TSPAN6: variants seen among roughly 807,000 people sequenced by gnomAD.
TSPAN6 encodes tetraspanin 6.
Under a neutral mutation model 18.0 loss-of-function variants are expected in TSPAN6, and 13 were observed. That is an observed-to-expected ratio of 0.72 (90% confidence interval 0.47 to 1.15). TSPAN6 has a LOEUF of 1.15. Ranked by LOEUF, TSPAN6 falls within the 50% of genes most tolerant of loss-of-function variation. The probability of loss-of-function intolerance (pLI) is 0.00; values close to 1 mark genes in which losing one functional copy is unlikely to be tolerated. For missense variants in TSPAN6, 186 were observed against 183.9 expected, an observed-to-expected ratio of 1.01 and a Z score of -0.07; for synonymous variants, 82 against 67.0, an observed-to-expected ratio of 1.22 and a Z score of -1.09.
At chrX:100,632,919 C>G (rs942427684) in intron 5 of TSPAN6, among the ~76,000 whole-genome samples, 6 of 83,748 alleles carry the variant, frequency 7.2e-5, no homozygotes, top group Non-Finnish European at 1.1e-4. Flanking sequence ...GAGAGAGACA[C>G]TGTCTTTAAA....
At chrX:100,635,816 T>A (rs1028441676) in intron 1 of TSPAN6, 70 bp from the exon 2 acceptor site, 1 of 886,203 alleles carries the variant, frequency 1.1e-6, no homozygotes, top group Admixed American at 3.6e-5. Context: ...TCACAACGCA[T>A]GAGGTATTTA....
intron 3 of TSPAN6, among the ~76,000 whole-genome samples, chrX:100,634,899 C>A: frequency 8.9e-6 from 1 of 112,425 alleles, no homozygotes; most frequent in Non-Finnish European, 1.9e-5. Context: ...ATTTTCCTAT[C>A]AGCAAAGTTA....
In TSPAN6 at chrX:100,635,231, CGA is replaced by C. The variant is rs1389545186; in HGVS notation, c.296_297del (p.Leu99ArgfsTer18). 5 of 1,195,128 alleles carry C rather than the reference CGA, an allele frequency of 4.2e-6. No individual in the cohort carries two copies. The highest frequency in any genetic ancestry group is 5.6e-6 in the Non-Finnish European group (5 of 886,327). ...GCAGCGACCAGTTCGACCAAAAAAA[CGA>C]GAGTCAGAAACATTGCATACTGCAG... ...MLKLYAMFLTLVFLVELVAAI... is the reference protein window; with the variant it reads ...MLKLYAMFLTXVFLVELVAAI... On this transcript the variant is annotated frameshift_variant, in exon 3 of 8. Coordinates refer to ENST00000373020, the MANE Select transcript of TSPAN6 (RefSeq NM_003270.4). LOFTEE classifies it high-confidence loss of function.
chrX:100,636,709 C>T lies in TSPAN6; in HGVS notation c.-15G>A. 1.7e-6 allele frequency: 2 copies of T among 1,189,918 alleles called. No individual in the cohort carries two copies. Among genetic ancestry groups the T allele is most frequent in the South Asian group, 1.9e-5 (1 of 52,237 alleles). On this transcript the variant is annotated 5_prime_UTR_variant, in exon 1 of 8. Coordinates refer to ENST00000373020, the MANE Select transcript of TSPAN6 (RefSeq NM_003270.4). ...GGGGACGCCATGACTAGCCCGAGACCCTGCACCACCGCACCGGGCGATTGG... is the reference window on the plus strand; with the variant it reads ...GGGGACGCCATGACTAGCCCGAGACTCTGCACCACCGCACCGGGCGATTGG...
intron 7 of TSPAN6, among the ~76,000 whole-genome samples, chrX:100,630,469 A>G (rs1255663091): frequency 8.9e-6 from 1 of 111,813 alleles, no homozygotes; most frequent in Non-Finnish European, 1.9e-5. Flanking sequence ...AAAAGGGACC[A>G]CTTATGATCT....
rs2083030671 is a variant in TSPAN6 at position 100,627,268 on chromosome X, G to A, written c.*2758C>T. On this transcript the variant is annotated 3_prime_UTR_variant, in exon 8 of 8. Coordinates refer to ENST00000373020, the MANE Select transcript of TSPAN6 (RefSeq NM_003270.4). ...AATGTCACCTTGCAGTGAGCAACCT[G>A]GTGCCTGGAAATAAGGCAACCCACA... 1.8e-5 allele frequency: 2 copies of A among 111,854 alleles called. No individual in the cohort carries two copies. Among genetic ancestry groups the A allele is most frequent in the South Asian group, 7.6e-4 (2 of 2,643 alleles). 9.2% of individuals were successfully genotyped at this position (111,854 alleles called of 1,213,427 possible). A position where few individuals can be genotyped will look rare whatever the true frequency, so the allele number is the denominator to read the frequency against.
chrX:100,632,178 G>A (rs2083063951), intron 6 of TSPAN6: 2 of 231,871 alleles, frequency 8.6e-6, no homozygotes, highest in Non-Finnish European at 1.5e-5. Context: ...GCCGAGGAGG[G>A]CGGATCACTT....
chrX:100,629,603 A>T lies in TSPAN6; in HGVS notation c.*423T>A, dbSNP rs1369244659. 8.9e-6 allele frequency: 1 copy of T among 112,429 alleles called. No individual in the cohort carries two copies. The highest frequency in any genetic ancestry group is 1.9e-5 in the Non-Finnish European group (1 of 53,240). 9.3% of individuals were successfully genotyped at this position (112,429 alleles called of 1,213,427 possible). On this transcript the variant is annotated 3_prime_UTR_variant, in exon 8 of 8. Transcript: ENST00000373020. ...GCAAAGTCAGAGGAATCAATTTTCCATCTTGTAACACTACATCAAAATAGC... is the reference window on the plus strand; with the variant it reads ...GCAAAGTCAGAGGAATCAATTTTCCTTCTTGTAACACTACATCAAAATAGC...
chrX:100,636,208 C>A, intron 1 of TSPAN6: 2 of 796,868 alleles, frequency 2.5e-6, no homozygotes, highest in Non-Finnish European at 3.0e-6. Flanking sequence ...ACACTCCTCT[C>A]TTACGAAGCA....
chrX:100,634,008 T>C lies in TSPAN6; in HGVS notation c.373A>G (p.Asn125Asp). 1.7e-6 allele frequency: 2 copies of C among 1,192,714 alleles called. No homozygotes were observed. The highest frequency in any genetic ancestry group is 2.3e-6 in the Non-Finnish European group (2 of 880,404). The change falls in exon 4 of 8, where the codon AAT (asparagine) becomes GAT (aspartate). Residue 125 changes from asparagine to aspartate, a missense_variant. Transcript: ENST00000373020. ...TACTGCTTCAAAGCCTTCTCATAAT[T>C]ATTCTTAAAGCTGTTCTTAATCTAT... ...RHEIKNSFKNNYEKALKQYNS... is the reference protein window; with the variant it reads ...RHEIKNSFKNDYEKALKQYNS...
chrX:100,636,073 G>T, intron 1 of TSPAN6: 1 of 605,978 alleles, frequency 1.7e-6, no homozygotes, highest in Non-Finnish European at 2.1e-6. Context: ...GTGATTTTAT[G>T]AGTTCCAGAA....
rs775956142 is a variant in TSPAN6, at chrX:100,633,430, C to T, written c.560G>A (p.Arg187Lys). 2.0e-5 allele frequency: 24 copies of T among 1,207,311 alleles called. No homozygotes were observed. The highest frequency in any genetic ancestry group is 2.0e-4 in the Admixed American group (9 of 45,478). The change falls in exon 5 of 8, where the codon AGA (arginine) becomes AAA (lysine). Residue 187 changes from arginine (R) to lysine (K), a missense_variant. By Grantham distance (26) the Arg-to-Lys change is conservative. Transcript: ENST00000373020. The stretch of plus-strand genomic sequence containing the variant: ...TTCATTGTTTACTTTGTCTGCATCT[C>T]TCTGTGGAGTACAATCTTCAAGTTT... ...CCKLEDCTPQ[R>K]DADKVNNEGC...
Position 100,633,914 on chromosome X carries a change from T to A in TSPAN6, c.450+17A>T. On this transcript the variant is annotated intron_variant, in intron 4 of 7. Coordinates refer to ENST00000373020, the MANE Select transcript of TSPAN6 (RefSeq NM_003270.4). ...AACAGGGAATGTGTTCCCCTCTAGG[T>A]GGTGGTTACCACTTACCGTATTTTG... 1 of 1,114,749 alleles carries A rather than the reference T, an allele frequency of 9.0e-7. No homozygotes were observed. Among genetic ancestry groups the A allele is most frequent in the Non-Finnish European group, 1.2e-6 (1 of 810,836 alleles). 91.9% of individuals were successfully genotyped at this position (1,114,749 alleles called of 1,213,427 possible). A position where few individuals can be genotyped will look rare whatever the true frequency, so the allele number is the denominator to read the frequency against.
intron 1 of TSPAN6, chrX:100,636,051 G>GAAA: frequency 1.2e-5 from 6 of 497,586 alleles, no homozygotes; most frequent in African/African-American, 5.2e-5. Flanking sequence ...CCTTGAAGGG[G>GAAA]AAAAAAAAAA....
chrX:100,630,730 A>G lies in TSPAN6; in HGVS notation c.*39+29T>C, dbSNP rs1362113932. 2.8e-6 allele frequency: 3 copies of G among 1,071,608 alleles called. No individual in the cohort carries two copies. The African/African-American group carries it at 5.6e-5, about 20-fold the overall frequency. The allele number at this position is 1,071,608 out of a possible 1,213,427, so 88.3% of individuals were successfully genotyped here. On this transcript the variant is annotated intron_variant, in intron 7 of 7. Transcript: ENST00000373020. ...ACAGGCTAGAATAAATATCAACACT[A>G]ACAGAGCTGAGGACCAAAATGAACG... is the stretch of plus-strand genomic sequence containing the variant.
rs180730511 is a variant in TSPAN6, at chrX:100,633,671, C to G, written c.451-132G>C. On this transcript the variant is annotated intron_variant, in intron 4 of 7. Coordinates refer to ENST00000373020, the MANE Select transcript of TSPAN6 (RefSeq NM_003270.4). ...CAATGATCTCTCTCCTCAATTGATT[C>G]AAGAGATGAGCACTGGGTCCCTGAT... The G allele has an allele frequency of 4.6e-5, 33 of 716,189 alleles. No homozygotes were observed. In the South Asian group the frequency reaches 8.8e-4, roughly 19 times the overall value. 59.0% of individuals were successfully genotyped at this position (716,189 alleles called of 1,213,427 possible).
At chrX:100,632,123 C>T in intron 6 of TSPAN6, 1 of 157,213 alleles carries the variant, frequency 6.4e-6, no homozygotes, top group Non-Finnish European at 1.2e-5. Context: ...GTGAAAATCT[C>T]GCTGCATGCA....
Position 100,630,793 on chromosome X carries a change from T to C in TSPAN6, c.*5A>G. ...AGAGAGGAATAGGCCCACAGATACA[T>C]TGGGTTACACTATCTCATACTGGTT... On this transcript the variant is annotated 3_prime_UTR_variant, in exon 7 of 8. Coordinates refer to ENST00000373020, the MANE Select transcript of TSPAN6 (RefSeq NM_003270.4). 1.7e-6 allele frequency: 2 copies of C among 1,209,367 alleles called. No individual in the cohort carries two copies. Among genetic ancestry groups the C allele is most frequent in the Non-Finnish European group, 2.2e-6 (2 of 893,841 alleles).
At chrX:100,633,900 T>C in intron 4 of TSPAN6, 31 bp downstream of exon 4, 1 of 1,018,933 alleles carries the variant, frequency 9.8e-7, no homozygotes, top group Non-Finnish European at 1.4e-6. Flanking sequence ...ACAGGGAATG[T>C]GTTCCCCTCT....
Sources: gnomAD v4.1 joint callset for allele counts (sites outside exome capture counted in the v4.1 genomes callset) on GRCh38, gnomAD v4.1.1 for gene constraint, MANE v1.5 for transcripts, NCBI Gene and HGNC (gene_info 2026-07-23, HGNC 2026-07-21) for gene names.